The following STAG1 variants were observed in gnomAD, a reference collection of about 807,000 sequenced individuals.
STAG1 encodes cohesin subunit SA-1.
A neutral mutation model predicts 170.9 loss-of-function variants in STAG1; 26 were observed. The observed-to-expected ratio is 0.15, with a 90% CI of 0.11 to 0.21. The LOEUF is 0.21. STAG1 is among the 10% of genes least tolerant of loss of function. STAG1 has a pLI of 1.00. For missense variants in STAG1, 964 were observed against 1,509.5 expected (o/e 0.64, Z 5.99); for synonymous variants, 514 against 497.7 (o/e 1.03, Z -0.44).
At chr3:136,569,362 T>C (rs1461464299) in intron 4 of STAG1, among the ~76,000 whole-genome samples, 1 of 144,198 alleles carries the variant, frequency 6.9e-6, no homozygotes, top group Non-Finnish European at 1.5e-5. Flanking sequence ...AACAATTATA[T>C]ATCAAATCAG....
chr3:136,570,870 G>A lies in STAG1; in HGVS notation c.298-2009C>T, dbSNP rs537150467. Among the ~76,000 whole-genome samples the A allele has an allele frequency of 3.9e-5, 6 of 152,308 alleles. No individual in the cohort carries two copies. The South Asian group carries it at 6.2e-4, about 16-fold the overall frequency. On this transcript the variant is annotated intron_variant, in intron 4 of 33. Transcript: ENST00000383202. ...GTCTCATCACATTAGTGTCTGGGGG[G>A]TTTTGTTTTTAAAGTAAAGAGAAAA...
At position 136,497,804 on chromosome 3, in the gene STAG1, G is replaced by A. The variant is rs543811595; in HGVS notation, c.902+2419C>T. Among the ~76,000 whole-genome samples, 320 of 150,874 alleles carry A rather than the reference G, an allele frequency of 2.1e-3. 3 individuals are homozygous for A. Among genetic ancestry groups the A allele is most frequent in the Middle Eastern group, 6.8e-3 (2 of 292 alleles). ...CGGGAGGTGGAGCTTGCAGTGAGCCGAGATCGCGCCACTGCACTCTAGCCT... is the reference window on the plus strand; with the variant it reads ...CGGGAGGTGGAGCTTGCAGTGAGCCAAGATCGCGCCACTGCACTCTAGCCT... On this transcript the variant is annotated intron_variant, in intron 9 of 33. Coordinates refer to ENST00000383202, the MANE Select transcript of STAG1 (RefSeq NM_005862.3).
chr3:136,423,847 T>C (rs1484903941), intron 16 of STAG1, among the ~76,000 whole-genome samples: 3 of 152,028 alleles, frequency 2.0e-5, no homozygotes, highest in Admixed American at 6.6e-5. Context: ...TATTTGATTG[T>C]TCAGTCTTTT....
At chr3:136,616,990 A>G (rs1408512687) in intron 3 of STAG1, among the ~76,000 whole-genome samples, 1 of 152,268 alleles carries the variant, frequency 6.6e-6, no homozygotes, top group Non-Finnish European at 1.5e-5. Flanking sequence ...AGGCAATAAT[A>G]TATGTCAAAA....
At chr3:136,357,259 T>C (rs925802011) in intron 28 of STAG1, among the ~76,000 whole-genome samples, 3 of 152,216 alleles carry the variant, frequency 2.0e-5, no homozygotes, top group Non-Finnish European at 4.4e-5. Context: ...AGAAGTTTTC[T>C]GGTTTGGTTT....
At chr3:136,695,938 G>A (rs773423693) in intron 1 of STAG1, among the ~76,000 whole-genome samples, 1 of 152,164 alleles carries the variant, frequency 6.6e-6, no homozygotes, top group Non-Finnish European at 1.5e-5. Flanking sequence ...CACCAGGTAT[G>A]TCAAAAGCAA....
At chr3:136,373,382 G>A (rs919431309) in intron 23 of STAG1, among the ~76,000 whole-genome samples, 5 of 151,884 alleles carry the variant, frequency 3.3e-5, no homozygotes, top group South Asian at 2.1e-4. Context: ...ATTTCTTGCC[G>A]TCTGCTAGCT....
chr3:136,431,967 T>C (rs776311617), intron 16 of STAG1, among the ~76,000 whole-genome samples: 5 of 152,172 alleles, frequency 3.3e-5, no homozygotes, highest in Admixed American at 6.5e-5. Context: ...TTTGGGAGGT[T>C]TTCAGTGATT....
At chr3:136,408,298 C>T (rs1313409521) in intron 21 of STAG1, among the ~76,000 whole-genome samples, 2 of 152,108 alleles carry the variant, frequency 1.3e-5, no homozygotes, top group Non-Finnish European at 2.9e-5. Context: ...TCTACACATA[C>T]AACAGTATTT....
intron 1 of STAG1, among the ~76,000 whole-genome samples, chr3:136,731,882 G>A (rs1934063006): frequency 1.3e-5 from 2 of 152,144 alleles, no homozygotes; most frequent in Non-Finnish European, 2.9e-5. Context: ...TCAGCTAGTG[G>A]AAAGCATAAA....
intron 1 of STAG1, among the ~76,000 whole-genome samples, chr3:136,690,916 G>A (rs555439364): frequency 6.2e-4 from 94 of 151,120 alleles, no homozygotes; most frequent in African/African-American, 2.2e-3. Flanking sequence ...TTGAGCTACT[G>A]GATCTAGTTG....
intron 15 of STAG1, among the ~76,000 whole-genome samples, chr3:136,439,967 C>T (rs1365443317): frequency 6.6e-6 from 1 of 152,116 alleles, no homozygotes; most frequent in Non-Finnish European, 1.5e-5. Context: ...AGAATTTAAA[C>T]CACAATGAAA....
At position 136,477,395 on chromosome 3, in the gene STAG1, A is replaced by C; in HGVS notation, c.920T>G (p.Ile307Ser). 6.2e-7 allele frequency: 1 copy of C among 1,611,602 alleles called. No individual in the cohort carries two copies. The highest frequency in any genetic ancestry group is 8.5e-7 in the Non-Finnish European group (1 of 1,179,358). ...AATTTCTTCAATACAAATGGCTCTA[A>C]TCTCAGCAATAGCATCACTAGAGAG... Reference protein sequence around the residue: ...VHRYRDAIAEIRAICIEEIGV... With the variant: ...VHRYRDAIAESRAICIEEIGV... The change falls in exon 10 of 34, where the codon ATT becomes AGT. Residue 307 changes from isoleucine to serine, a missense_variant. Physicochemically the swap from Ile to Ser is moderately radical, Grantham distance 142. Around this residue, in one of 11 missense-constraint regions of STAG1, gnomAD observed 57 missense variants for 157.6 expected, o/e 0.36. Transcript: ENST00000383202.
At chr3:136,478,442 A>C (rs191085875) in intron 9 of STAG1, among the ~76,000 whole-genome samples, 75 of 152,338 alleles carry the variant, frequency 4.9e-4, no homozygotes, top group Non-Finnish European at 3.2e-4. Context: ...TATTAGCCTT[A>C]GCTTTAAGAA....
rs1393590248 is a variant in STAG1, at chr3:136,551,198, TGAGAGAGAGTGA to T, written c.395-9015_395-9004del. On this transcript the variant is annotated intron_variant, in intron 5 of 33. Transcript: ENST00000383202. ...TTTTTTTTGAGAGAGAGAGAGAGGT[TGAGAGAGAGTGA>T]GAGAGAGAGAGAGAGAGAGAGAGAG... is the stretch of plus-strand genomic sequence containing the variant. 2.1e-3 allele frequency among the ~76,000 whole-genome samples: 91 copies of T among 43,128 alleles called. 2 individuals are homozygous for T. Among genetic ancestry groups the T allele is most frequent in the African/African-American group, 8.2e-3 (70 of 8,530 alleles). The allele number at this position is 43,128 out of a possible 152,430, so 28.3% of individuals were successfully genotyped here.
chr3:136,490,106 T>C (rs1032952440), intron 9 of STAG1, among the ~76,000 whole-genome samples: 2 of 151,990 alleles, frequency 1.3e-5, no homozygotes, highest in Admixed American at 1.3e-4. Flanking sequence ...AGTGGCACAA[T>C]CTTGGCTCAC....
intron 4 of STAG1, among the ~76,000 whole-genome samples, chr3:136,575,646 T>C (rs1937429397): frequency 6.6e-6 from 1 of 152,180 alleles, no homozygotes; most frequent in African/African-American, 2.4e-5. Context: ...CTTTAGAACA[T>C]CTGAATCACA....
At chr3:136,545,116 T>G (rs1051344897) in intron 5 of STAG1, among the ~76,000 whole-genome samples, 2 of 152,196 alleles carry the variant, frequency 1.3e-5, no homozygotes, top group African/African-American at 4.8e-5. Flanking sequence ...TGGCGCGATC[T>G]CAGCTCACTG....
At chr3:136,692,984 C>T (rs576574318) in intron 1 of STAG1, among the ~76,000 whole-genome samples, 91 of 152,232 alleles carry the variant, frequency 6.0e-4, no homozygotes, top group Non-Finnish European at 4.6e-4. Context: ...GAGATGTCTT[C>T]GGTGTGTGGG....
Sources: gnomAD v4.1 joint callset for allele counts (sites outside exome capture counted in the v4.1 genomes callset) on GRCh38, gnomAD v4.1.1 for gene constraint, gnomAD v4.1.1 regional missense constraint, MANE v1.5 for transcripts, NCBI Gene and HGNC (gene_info 2026-07-23, HGNC 2026-07-21) for gene names.